TMEM132E: variants seen among roughly 807,000 people sequenced by gnomAD.
The protein encoded by TMEM132E is transmembrane protein 132E.
Under a neutral mutation model 78.5 loss-of-function variants are expected in TMEM132E, and 49 were observed. That is an observed-to-expected ratio of 0.62 (90% CI 0.50 to 0.79). The LOEUF (loss-of-function observed/expected upper bound fraction) is 0.79, where lower values mean the gene tolerates loss of function less well. Among genes scored for constraint, TMEM132E ranks in the 30% least tolerant of loss-of-function variants. The pLI, the probability that TMEM132E is intolerant of heterozygous loss-of-function variation, is 0.00. For synonymous variants in TMEM132E, 715 were observed against 670.6 expected (o/e 1.07, Z -1.02); for missense variants, 1,403 against 1,470.9 (o/e 0.95, Z 0.75).
chr17:34,581,370 CT>C (rs1450190618), intron 1 of TMEM132E, among the ~76,000 whole-genome samples: 1 of 152,024 alleles, frequency 6.6e-6, no homozygotes, highest in Non-Finnish European at 1.5e-5. Flanking sequence ...GAGGGTGTCG[CT>C]CCAGTCCTCT....
intron 1 of TMEM132E, among the ~76,000 whole-genome samples, chr17:34,582,326 G>T (rs537981485): frequency 2.0e-5 from 3 of 152,230 alleles, no homozygotes; most frequent in East Asian, 1.9e-4. Context: ...GCTCAAGCTC[G>T]CCAGGAGTGT....
chr17:34,581,906 C>G (rs1024818612), intron 1 of TMEM132E, among the ~76,000 whole-genome samples: 4 of 151,986 alleles, frequency 2.6e-5, no homozygotes, highest in Non-Finnish European at 1.5e-5. Flanking sequence ...GGCGGTGGGA[C>G]AGCGGGCATA....
Position 34,636,180 on chromosome 17 carries a change from C to A in TMEM132E, c.2151C>A (p.Thr717=). 1 of 1,514,314 alleles carries A rather than the reference C, an allele frequency of 6.6e-7. No individual in the cohort carries two copies. The highest frequency in any genetic ancestry group is 2.3e-5 in the Admixed American group (1 of 43,248). The allele number at this position is 1,514,314 out of a possible 1,614,324, so 93.8% of individuals were successfully genotyped here. The part of the protein sequence containing the change: ...TILATTAAQQ[T]LSFLKQEALL... Reference sequence around the variant, plus strand: ...TAGCCACCACAGCTGCCCAACAGACCTTGAGCTTCCTCAAGCAGGTAACTG... The same window carrying A: ...TAGCCACCACAGCTGCCCAACAGACATTGAGCTTCCTCAAGCAGGTAACTG... The change falls in exon 8 of 9, where the codon ACC becomes ACA. Residue 717 remains threonine, a synonymous_variant. Transcript: ENST00000631683.
intron 1 of TMEM132E, among the ~76,000 whole-genome samples, chr17:34,583,810 T>G (rs899607331): frequency 4.4e-4 from 67 of 152,186 alleles, no homozygotes; most frequent in African/African-American, 1.6e-3. Flanking sequence ...CCCTTTCCAG[T>G]TTCTGCCAGG....
chr17:34,587,369 G>A (rs756543120), intron 1 of TMEM132E, among the ~76,000 whole-genome samples: 3 of 152,248 alleles, frequency 2.0e-5, no homozygotes, highest in East Asian at 3.9e-4. Context: ...CTGTGGCAGT[G>A]GGGGGGAATG....
At chr17:34,612,012 A>G (rs575357906) in intron 1 of TMEM132E, among the ~76,000 whole-genome samples, 1 of 152,288 alleles carries the variant, frequency 6.6e-6, no homozygotes, top group South Asian at 2.1e-4. Context: ...CAGGCAAACC[A>G]GGACAAGTTG....
intron 1 of TMEM132E, among the ~76,000 whole-genome samples, chr17:34,589,929 G>A (rs1905808305): frequency 6.6e-6 from 1 of 152,198 alleles, no homozygotes; most frequent in African/African-American, 2.4e-5. Flanking sequence ...TTTCTCAGCT[G>A]CCAACACAGC....
rs992654251 is a variant in TMEM132E, at chr17:34,629,104, T to C, written c.1238T>C (p.Ile413Thr). Reference sequence around the variant, plus strand: ...GTCAAGCGGAGGATCATGTGGCACATTGACTACCGTGGCCACGGCGCCCTG... The same window carrying C: ...GTCAAGCGGAGGATCATGTGGCACACTGACTACCGTGGCCACGGCGCCCTG... Reference protein sequence around the residue: ...QSVKRRIMWHIDYRGHGALPD... With the variant: ...QSVKRRIMWHTDYRGHGALPD... The change falls in exon 4 of 9, where the codon ATT (isoleucine) becomes ACT (threonine). Residue 413 changes from isoleucine (I) to threonine (T), a missense_variant. Around this residue, in one of 3 missense-constraint regions of TMEM132E, gnomAD observed 888 missense variants for 952.8 expected, o/e 0.93. Transcript: ENST00000631683. 1.2e-6 allele frequency: 2 copies of C among 1,612,830 alleles called. No individual in the cohort carries two copies. Among genetic ancestry groups the C allele is most frequent in the East Asian group, 4.5e-5 (2 of 44,816 alleles).
chr17:34,610,763 A>G (rs758463774), intron 1 of TMEM132E, among the ~76,000 whole-genome samples: 6 of 152,214 alleles, frequency 3.9e-5, no homozygotes, highest in Non-Finnish European at 5.9e-5. Context: ...CATACTCAAG[A>G]GAATCATGCA....
At position 34,623,786 on chromosome 17, in the gene TMEM132E, G is replaced by C. The variant is rs563706595; in HGVS notation, c.68-2341G>C. Among the ~76,000 whole-genome samples the C allele has an allele frequency of 1.2e-3, 180 of 152,324 alleles. 2 individuals carry two copies. Among genetic ancestry groups the C allele is most frequent in the African/African-American group, 4.1e-3 (172 of 41,564 alleles). The stretch of plus-strand genomic sequence containing the variant: ...TCGCCTGCTTGCTGCTGCTTCCAAA[G>C]CAGGGTCCAAATGTGGACCCTGCAT... On this transcript the variant is annotated intron_variant, in intron 1 of 8. Coordinates refer to ENST00000631683, the MANE Select transcript of TMEM132E (RefSeq NM_001304438.2).
rs55756365 is a variant in TMEM132E, at chr17:34,638,775, G to A, written c.*543G>A. The A allele has an allele frequency of 3.2e-3, 487 of 152,640 alleles. 1 individual carries two copies. Among genetic ancestry groups the A allele is most frequent in the Non-Finnish European group, 5.4e-3 (367 of 68,388 alleles). The allele number at this position is 152,640 out of a possible 1,614,324, so 9.5% of individuals were successfully genotyped here. A position where few individuals can be genotyped will look rare whatever the true frequency, so the allele number is the denominator to read the frequency against. ...CTTGCTGTGGACGAAATATCTGGGG[G>A]TTAGGGGGACAGTTGTAGCATCTGC... On this transcript the variant is annotated 3_prime_UTR_variant, in exon 9 of 9. Transcript: ENST00000631683.
chr17:34,592,231 G>GA (rs140071081), intron 1 of TMEM132E, among the ~76,000 whole-genome samples: 3,175 of 152,252 alleles, frequency 0.021, 61 homozygotes, highest in Non-Finnish European at 0.034. Context: ...TCCTTCCCAG[G>GA]AAAGCAGTCA....
chr17:34,629,922 G>GA (rs1555564597), intron 4 of TMEM132E, 86 bp from the exon 5 acceptor site: 2 of 1,421,786 alleles, frequency 1.4e-6, no homozygotes, highest in East Asian at 2.5e-5. Context: ...AGTGGGGGGG[G>GA]AGCGTCCAGG....
intron 1 of TMEM132E, among the ~76,000 whole-genome samples, chr17:34,622,576 C>G (rs1906993647): frequency 6.6e-6 from 1 of 152,248 alleles, no homozygotes; most frequent in Non-Finnish European, 1.5e-5. Context: ...TCCAGAGCCC[C>G]TAGGCCTGGT....
chr17:34,591,970 C>T (rs1302487802), intron 1 of TMEM132E, among the ~76,000 whole-genome samples: 3 of 152,218 alleles, frequency 2.0e-5, no homozygotes, highest in Non-Finnish European at 4.4e-5. Context: ...ACAAATGCTA[C>T]GTGCCTGCTG....
chr17:34,582,426 T>C (rs1449438026), intron 1 of TMEM132E, among the ~76,000 whole-genome samples: 1 of 151,318 alleles, frequency 6.6e-6, no homozygotes, highest in Non-Finnish European at 1.5e-5. Context: ...GCTCTCGGAA[T>C]CGTAGGGTCC....
chr17:34,629,253 G>A (rs1363270609), intron 4 of TMEM132E, 49 bp downstream of exon 4: 7 of 1,577,056 alleles, frequency 4.4e-6, no homozygotes, highest in South Asian at 2.3e-5. Flanking sequence ...CTATGCATGT[G>A]TGCACATTTG....
intron 1 of TMEM132E, among the ~76,000 whole-genome samples, chr17:34,616,060 C>G (rs1906769800): frequency 6.6e-6 from 1 of 152,154 alleles, no homozygotes; most frequent in Non-Finnish European, 1.5e-5. Flanking sequence ...AATGACAGAG[C>G]CAGCCTGACC....
intron 1 of TMEM132E, among the ~76,000 whole-genome samples, chr17:34,603,540 A>T (rs1906310337): frequency 6.6e-6 from 1 of 152,172 alleles, no homozygotes; most frequent in African/African-American, 2.4e-5. Context: ...GCTGTGTGCC[A>T]TGCCTGCTCC....
Sources: allele counts gnomAD v4.1 joint callset (sites outside exome capture counted in the v4.1 genomes callset), GRCh38; gene constraint gnomAD v4.1.1; regional missense constraint gnomAD v4.1.1; transcripts MANE v1.5; gene names NCBI Gene and HGNC (gene_info 2026-07-23, HGNC 2026-07-21).